FFAR4: variants seen among roughly 807,000 people sequenced by gnomAD.
The protein encoded by FFAR4 is free fatty acid receptor 4, also known as G-protein coupled receptor 120.
FFAR4 carries 19 observed loss-of-function variants against 27.0 expected under a neutral mutation model. The observed-to-expected ratio is 0.70, with a 90% CI of 0.49 to 1.03. The LOEUF is 1.03. Among genes scored for constraint, FFAR4 ranks in the 50% least tolerant of loss-of-function variants. The probability of loss-of-function intolerance (pLI) is 0.00; values close to 1 mark genes in which losing one functional copy is unlikely to be tolerated. For missense variants in FFAR4, 476 were observed against 479.0 expected, an observed-to-expected ratio of 0.99 and a Z score of 0.06; for synonymous variants, 254 against 215.6, an observed-to-expected ratio of 1.18 and a Z score of -1.56.
chr10:93,570,646 C>T (rs1318826545), intron 1 of FFAR4, among the ~76,000 whole-genome samples: 1 of 152,192 alleles, frequency 6.6e-6, no homozygotes, highest in African/African-American at 2.4e-5. Flanking sequence ...CCCCTTAGAG[C>T]TTCTGCCGAC....
In FFAR4 at chr10:93,587,915, C is replaced by T. The variant is rs140523602; in HGVS notation, c.*306C>T. ...AACCTGACCAACATGGTGAGACCCC[C>T]GTCTCTACTAAAAATAAAAAAAAAA... On this transcript the variant is annotated 3_prime_UTR_variant, in exon 3 of 3. Coordinates refer to ENST00000371481, the MANE Select transcript of FFAR4 (RefSeq NM_001195755.2). 3,496 of 204,148 alleles carry T rather than the reference C, an allele frequency of 0.017. 100 individuals are homozygous for T. Among genetic ancestry groups the T allele is most frequent in the African/African-American group, 0.072 (3,072 of 42,790 alleles). 12.6% of individuals were successfully genotyped at this position (204,148 alleles called of 1,614,324 possible). A position where few individuals can be genotyped will look rare whatever the true frequency, so the allele number is the denominator to read the frequency against.
At position 93,589,607 on chromosome 10, in the gene FFAR4, G is replaced by A. The variant is rs181324921; in HGVS notation, c.*1998G>A. 3 of 140,464 alleles carry A rather than the reference G, an allele frequency of 2.1e-5. No homozygotes were observed. Among genetic ancestry groups the A allele is most frequent in the East Asian group, 2.6e-4 (1 of 3,896 alleles). The allele number at this position is 140,464 out of a possible 1,614,324, so 8.7% of individuals were successfully genotyped here. A position where few individuals can be genotyped will look rare whatever the true frequency, so the allele number is the denominator to read the frequency against. On this transcript the variant is annotated 3_prime_UTR_variant, in exon 3 of 3. Transcript: ENST00000371481. ...GGGGGGGCCTGGGCAAAGATTAGGG[G>A]GGGGGGAGCCAAGAGTTTCATTTGG...
chr10:93,576,189 C>T lies in FFAR4; in HGVS notation c.666C>T (p.Val222=). 6.2e-7 allele frequency: 1 copy of T among 1,614,046 alleles called. No homozygotes were observed. The highest frequency in any genetic ancestry group is 8.5e-7 in the Non-Finnish European group (1 of 1,179,944). ...TGAACTTCTTGGTGCCAGGACTGGT[C>T]ATTGTGATCAGTTACTCCAAAATTT... ...VTLNFLVPGL[V]IVISYSKILQ... is the part of the protein sequence containing the mutation. The change falls in exon 2 of 3, where the codon GTC becomes GTT. Residue 222 remains valine, a synonymous_variant. Coordinates refer to ENST00000371481, the MANE Select transcript of FFAR4 (RefSeq NM_001195755.2).
At position 93,587,095 on chromosome 10, in the gene FFAR4, A is replaced by C. The variant is rs935899232; in HGVS notation, c.697-125A>C. 9 of 801,250 alleles carry C rather than the reference A, an allele frequency of 1.1e-5. No homozygotes were observed. In the African/African-American group the frequency reaches 1.4e-4, roughly 12 times the overall value. The allele number at this position is 801,250 out of a possible 1,614,324, so 49.6% of individuals were successfully genotyped here. On this transcript the variant is annotated intron_variant, in intron 2 of 2. Transcript: ENST00000371481. ...AGCACATCCTAAGCTCGGGCACACA[A>C]AGTCCCAGAGGCACACAGCTTCAGT...
chr10:93,585,838 CCACACTCAGCTT>C (rs1360657926), intron 2 of FFAR4, among the ~76,000 whole-genome samples: 1 of 152,222 alleles, frequency 6.6e-6, no homozygotes, highest in Non-Finnish European at 1.5e-5. Flanking sequence ...CAGACCCTTC[CCACACTCAGCTT>C]CATTTTCAGG....
At position 93,589,546 on chromosome 10, in the gene FFAR4, T is replaced by G. The variant is rs2058250266; in HGVS notation, c.*1937T>G. 6.9e-6 allele frequency: 1 copy of G among 144,268 alleles called. No homozygotes were observed. The highest frequency in any genetic ancestry group is 1.5e-5 in the Non-Finnish European group (1 of 66,776). The allele number at this position is 144,268 out of a possible 1,614,324, so 8.9% of individuals were successfully genotyped here. A position where few individuals can be genotyped will look rare whatever the true frequency, so the allele number is the denominator to read the frequency against. On this transcript the variant is annotated 3_prime_UTR_variant, in exon 3 of 3. Coordinates refer to ENST00000371481, the MANE Select transcript of FFAR4 (RefSeq NM_001195755.2). ...AGGGGAATACTCTGATTTTTTAGCC[T>G]GTCATTGGTTGGATGGTGAAGCAGG...
intron 1 of FFAR4, among the ~76,000 whole-genome samples, chr10:93,571,179 C>T (rs866920671): frequency 2.6e-5 from 4 of 152,326 alleles, no homozygotes; most frequent in Middle Eastern, 6.8e-3. Flanking sequence ...TCAGCTCACC[C>T]TGCTTCAACA....
chr10:93,576,249 C>T (rs199656591), intron 2 of FFAR4, 30 bp downstream of exon 2: 214 of 1,612,756 alleles, frequency 1.3e-4, no homozygotes, highest in Non-Finnish European at 1.8e-4. Context: ...TGCCACTGAA[C>T]TTCACCCAGG....
intron 2 of FFAR4, chr10:93,579,335 T>A (rs2058186051): frequency 2.5e-6 from 2 of 792,132 alleles, no homozygotes; most frequent in Non-Finnish European, 4.2e-6. Flanking sequence ...TCACCCTCCC[T>A]TGTGTCCACA....
chr10:93,575,558 C>T (rs1249227111), intron 1 of FFAR4, among the ~76,000 whole-genome samples: 1 of 152,234 alleles, frequency 6.6e-6, no homozygotes, highest in Non-Finnish European at 1.5e-5. Flanking sequence ...TGCAGCTCGA[C>T]ACACTTTAGA....
intron 1 of FFAR4, among the ~76,000 whole-genome samples, chr10:93,569,985 G>A (rs1446730275): frequency 6.6e-6 from 1 of 151,888 alleles, no homozygotes; most frequent in African/African-American, 2.4e-5. Flanking sequence ...CTTGAACCCA[G>A]GAGGTGGAGG....
At chr10:93,570,612 A>G (rs2058126543) in intron 1 of FFAR4, among the ~76,000 whole-genome samples, 1 of 152,098 alleles carries the variant, frequency 6.6e-6, no homozygotes. Context: ...CCCTCCCCTC[A>G]AGGAGCGCTG....
chr10:93,567,174 C>A lies in FFAR4; in HGVS notation c.454C>A (p.Arg152=), dbSNP rs1229882352. The A allele has an allele frequency of 7.5e-6, 12 of 1,603,532 alleles. No individual in the cohort carries two copies. The East Asian group carries it at 2.7e-4, about 36-fold the overall frequency. Residue 152 remains arginine, a synonymous_variant, in exon 1 of 3, where the codon CGG becomes AGG. Transcript: ENST00000371481. Reference sequence around the variant, plus strand: ...GCAGCGCGGCGTGCGGGGTCCTGGGCGGCGGGCGCGGGCAGTGCTGCTGGC... The same window carrying A: ...GCAGCGCGGCGTGCGGGGTCCTGGGAGGCGGGCGCGGGCAGTGCTGCTGGC... ...HLQRGVRGPG[R]RARAVLLALI... is the part of the protein sequence containing the mutation.
At chr10:93,577,362 T>A (rs1482902506) in intron 2 of FFAR4, among the ~76,000 whole-genome samples, 1 of 152,202 alleles carries the variant, frequency 6.6e-6, no homozygotes, top group African/African-American at 2.4e-5. Context: ...TGGCCCTTTC[T>A]TTGCAGCTAA....
chr10:93,582,176 GC>G (rs2134553219), intron 2 of FFAR4, among the ~76,000 whole-genome samples: 1 of 152,218 alleles, frequency 6.6e-6, no homozygotes, highest in Admixed American at 6.5e-5. Context: ...TGATTATAAA[GC>G]CCCCTTTTCT....
intron 1 of FFAR4, among the ~76,000 whole-genome samples, chr10:93,573,325 C>T (rs1321544074): frequency 6.6e-6 from 1 of 152,206 alleles, no homozygotes; most frequent in Admixed American, 6.5e-5. Flanking sequence ...GCAGGCCTGC[C>T]ACTTTTGTTT....
Position 93,576,184 on chromosome 10 carries a change from C to T in FFAR4, c.661C>T (p.Leu221=). The change falls in exon 2 of 3, where the codon CTG becomes TTG. Residue 221 remains leucine (L), a synonymous_variant. Coordinates refer to ENST00000371481, the MANE Select transcript of FFAR4 (RefSeq NM_001195755.2). ...TACTTTGAACTTCTTGGTGCCAGGA[C>T]TGGTCATTGTGATCAGTTACTCCAA... ...FVTLNFLVPG[L]VIVISYSKIL... The T allele has an allele frequency of 6.2e-7, 1 of 1,614,074 alleles. No homozygotes were observed. Among genetic ancestry groups the T allele is most frequent in the Non-Finnish European group, 8.5e-7 (1 of 1,179,948 alleles).
At position 93,567,184 on chromosome 10, in the gene FFAR4, G is replaced by A. The variant is rs567274570; in HGVS notation, c.464G>A (p.Arg155Gln). The change falls in exon 1 of 3, where the codon CGG becomes CAG. Residue 155 changes from arginine to glutamine, a missense_variant. Physicochemically the swap from Arg to Gln is conservative, Grantham distance 43. Coordinates refer to ENST00000371481, the MANE Select transcript of FFAR4 (RefSeq NM_001195755.2). ...GTGCGGGGTCCTGGGCGGCGGGCGC[G>A]GGCAGTGCTGCTGGCGCTCATCTGG... Reference protein sequence around the residue: ...RGVRGPGRRARAVLLALIWGY... With the variant: ...RGVRGPGRRAQAVLLALIWGY... The A allele has an allele frequency of 2.8e-5, 45 of 1,603,390 alleles. 2 individuals carry two copies. The South Asian group carries it at 4.4e-4, about 16-fold the overall frequency.
intron 2 of FFAR4, among the ~76,000 whole-genome samples, chr10:93,577,000 C>A (rs1468099656): frequency 3.9e-5 from 6 of 152,202 alleles, no homozygotes. Context: ...CTATTATCTT[C>A]CAGTTGCTAC....
Sources: gnomAD v4.1 joint callset for allele counts (sites outside exome capture counted in the v4.1 genomes callset) on GRCh38, gnomAD v4.1.1 for gene constraint, MANE v1.5 for transcripts, NCBI Gene and HGNC (gene_info 2026-07-23, HGNC 2026-07-21) for gene names.